Variants in AUTS2 observed in about 807,000 individuals in gnomAD.
The protein encoded by AUTS2 is activator of transcription and developmental regulator AUTS2.
In AUTS2, 17 loss-of-function variants were observed where a neutral mutation model predicts 112.4. The ratio of observed to expected loss-of-function variants is 0.15; its 90% CI spans 0.10 to 0.23. The LOEUF is 0.23. AUTS2 is among the 10% of genes least tolerant of loss of function. The pLI is 1.00. For missense variants in AUTS2, 1,510 were observed against 1,701.6 expected (o/e 0.89, Z 1.98); for synonymous variants, 751 against 702.7 (o/e 1.07, Z -1.09).
chr7:70,217,800 G>A (rs1028586631), intron 4 of AUTS2, among the ~76,000 whole-genome samples: 2 of 152,168 alleles, frequency 1.3e-5, no homozygotes, highest in Non-Finnish European at 2.9e-5. Context: ...TTGTAGCTGG[G>A]CTGCTGCAAC....
chr7:69,806,079 T>G (rs1173549473), intron 1 of AUTS2, among the ~76,000 whole-genome samples: 1 of 148,754 alleles, frequency 6.7e-6, no homozygotes, highest in Admixed American at 6.6e-5. Context: ...TTGTAACTTT[T>G]GATAGAGACA....
chr7:69,630,212 G>A (rs987006856), intron 1 of AUTS2, among the ~76,000 whole-genome samples: 9 of 152,268 alleles, frequency 5.9e-5, no homozygotes, highest in African/African-American at 1.4e-4. Context: ...AGCCGAGATC[G>A]TGCCACTTCA....
chr7:70,213,122 C>G (rs1214818031), intron 4 of AUTS2, among the ~76,000 whole-genome samples: 1 of 152,002 alleles, frequency 6.6e-6, no homozygotes, highest in East Asian at 1.9e-4. Context: ...ATAAATGTAT[C>G]AAATTATCAC....
intron 2 of AUTS2, among the ~76,000 whole-genome samples, chr7:69,955,129 G>A (rs1562992724): frequency 1.3e-5 from 2 of 152,106 alleles, no homozygotes; most frequent in Non-Finnish European, 2.9e-5. Context: ...AAGAAGGGGT[G>A]TTTTTAAAAA....
chr7:70,784,901 G>A lies in AUTS2; in HGVS notation c.2147-41G>A, dbSNP rs753817838. 7 of 1,603,000 alleles carry A rather than the reference G, an allele frequency of 4.4e-6. No homozygotes were observed. In the Admixed American group the frequency reaches 1.2e-4, roughly 27 times the overall value. On this transcript the variant is annotated intron_variant, in intron 15 of 18. Coordinates refer to ENST00000342771, the MANE Select transcript of AUTS2 (RefSeq NM_015570.4). ...GAAGCCGGTTGCATCTTCGAAGTTG[G>A]CTTTTTGTAAACTCTGGTTTCGTTA...
intron 2 of AUTS2, among the ~76,000 whole-genome samples, chr7:70,092,400 ACC>A (rs1803966929): frequency 6.6e-6 from 1 of 152,050 alleles, no homozygotes; most frequent in African/African-American, 2.4e-5. Flanking sequence ...CTCTATCCTG[ACC>A]CCGTGTTAAG....
intron 5 of AUTS2, among the ~76,000 whole-genome samples, chr7:70,584,123 AACTGGATCTCTGCCACC>A (rs1346618777): frequency 2.6e-5 from 4 of 152,182 alleles, no homozygotes; most frequent in African/African-American, 9.7e-5. Flanking sequence ...TTCATTAGGA[AACTGGATCTCTGCCACC>A]ACCCTGTTTC....
chr7:70,706,771 A>G (rs1809761100), intron 6 of AUTS2, among the ~76,000 whole-genome samples: 1 of 152,220 alleles, frequency 6.6e-6, no homozygotes, highest in African/African-American at 2.4e-5. Context: ...CCCAGAGTGC[A>G]GAAATGACTT....
chr7:69,644,818 T>G (rs1562782144), intron 1 of AUTS2, among the ~76,000 whole-genome samples: 1 of 152,202 alleles, frequency 6.6e-6, no homozygotes, highest in African/African-American at 2.4e-5. Context: ...TAGTATATAT[T>G]AAAAATCTCT....
At chr7:70,707,586 C>T (rs886293665) in intron 6 of AUTS2, among the ~76,000 whole-genome samples, 1 of 152,152 alleles carries the variant, frequency 6.6e-6, no homozygotes, top group Non-Finnish European at 1.5e-5. Flanking sequence ...TCAACAAGGG[C>T]TTCCCTAGGG....
chr7:69,716,216 C>CTGTG (rs1230142346), intron 1 of AUTS2, among the ~76,000 whole-genome samples: 2 of 151,046 alleles, frequency 1.3e-5, no homozygotes, highest in Non-Finnish European at 3.0e-5. Context: ...CTCTGTGTGT[C>CTGTG]TGTGTGTGTG....
intron 4 of AUTS2, among the ~76,000 whole-genome samples, chr7:70,260,755 T>C (rs999307860): frequency 7.0e-6 from 1 of 142,484 alleles, no homozygotes; most frequent in African/African-American, 2.6e-5. Context: ...CTTTTTACAC[T>C]TTTTTTTTTT....
At chr7:70,419,314 A>G (rs900845671) in intron 4 of AUTS2, among the ~76,000 whole-genome samples, 2 of 152,102 alleles carry the variant, frequency 1.3e-5, no homozygotes, top group African/African-American at 4.8e-5. Flanking sequence ...AGTTAGAAAC[A>G]CCAGGATTCA....
chr7:70,300,128 T>C (rs1435455070), intron 4 of AUTS2, among the ~76,000 whole-genome samples: 2 of 152,190 alleles, frequency 1.3e-5, no homozygotes, highest in Non-Finnish European at 2.9e-5. Flanking sequence ...GCAGCTGTTA[T>C]CACCTAGGGC....
intron 4 of AUTS2, among the ~76,000 whole-genome samples, chr7:70,220,073 C>T (rs1385994886): frequency 2.0e-5 from 3 of 152,096 alleles, no homozygotes; most frequent in African/African-American, 7.2e-5. Context: ...ATATTTTTGT[C>T]TTTGTGGGCT....
intron 5 of AUTS2, among the ~76,000 whole-genome samples, chr7:70,551,967 A>G (rs1801031614): frequency 6.6e-6 from 1 of 152,246 alleles, no homozygotes. Context: ...AGAAAACCTT[A>G]TTCCTTTATG....
intron 1 of AUTS2, among the ~76,000 whole-genome samples, chr7:69,815,823 CTT>C (rs978850911): frequency 3.9e-5 from 6 of 152,108 alleles, no homozygotes; most frequent in Non-Finnish European, 8.8e-5. Flanking sequence ...TTCAATGAAA[CTT>C]AACATGATGA....
At chr7:70,300,292 A>G (rs1462969532) in intron 4 of AUTS2, among the ~76,000 whole-genome samples, 1 of 152,206 alleles carries the variant, frequency 6.6e-6, no homozygotes, top group African/African-American at 2.4e-5. Flanking sequence ...AACAAAGTTT[A>G]CAAATTTGTT....
chr7:70,347,018 T>C (rs1562897043), intron 4 of AUTS2, among the ~76,000 whole-genome samples: 3 of 152,222 alleles, frequency 2.0e-5, no homozygotes, highest in Non-Finnish European at 4.4e-5. Flanking sequence ...TCCTGTCCCT[T>C]TATCTGGCTC....
Sources: gnomAD v4.1 joint callset for allele counts (sites outside exome capture counted in the v4.1 genomes callset) on GRCh38, gnomAD v4.1.1 for gene constraint, MANE v1.5 for transcripts, NCBI Gene and HGNC (gene_info 2026-07-23, HGNC 2026-07-21) for gene names.